DST: variants seen among roughly 807,000 people sequenced by gnomAD.
DST encodes bullous pemphigoid antigen.
A neutral mutation model predicts 875.2 loss-of-function variants in DST; 253 were observed. That is an observed-to-expected ratio of 0.29 (90% CI 0.26 to 0.32). The LOEUF is 0.32. Ranked by LOEUF, DST falls within the 10% of genes least tolerant of loss-of-function variation. DST has a pLI of 1.00. For missense variants in DST, 8,287 were observed against 9,111.6 expected (o/e 0.91, Z 3.68); for synonymous variants, 3,124 against 3,197.1 (o/e 0.98, Z 0.77).
intron 36 of DST, chr6:56,616,850 A>T (rs1364461442): frequency 2.5e-6 from 4 of 1,613,996 alleles, no homozygotes; most frequent in Non-Finnish European, 3.4e-6. Flanking sequence ...AAGAAGCCTA[A>T]TTCTGAATTC....
chr6:56,910,166 TTTTA>T (rs1179113626), intron 2 of DST, among the ~76,000 whole-genome samples: 2 of 152,150 alleles, frequency 1.3e-5, no homozygotes, highest in Non-Finnish European at 2.9e-5. Context: ...GCACATTTCT[TTTTA>T]TTTATTATTT....
At chr6:56,578,685 C>T (rs1394378325) in intron 50 of DST, 129 bp downstream of exon 50, 3 of 929,404 alleles carry the variant, frequency 3.2e-6, no homozygotes, top group Non-Finnish European at 4.7e-6. Flanking sequence ...GATGCAGGAA[C>T]ACCATTTCAC....
rs1378635974 is a variant in DST at position 56,797,823 on chromosome 6, A to AG, written c.625+53573_625+53574insC. ...ACAAGAGCGAAACTCCGTCTCAAAA[A>AG]AAAAAAAAAAAAAAGCTACTCCAGT... On this transcript the variant is annotated intron_variant, in intron 4 of 103. Transcript: ENST00000680361. Among the ~76,000 whole-genome samples the AG allele has an allele frequency of 5.5e-4, 84 of 151,564 alleles. 1 individual carries two copies. Among genetic ancestry groups the AG allele is most frequent in the Non-Finnish European group, 9.7e-4 (66 of 67,772 alleles).
intron 10 of DST, among the ~76,000 whole-genome samples, chr6:56,655,431 T>G (rs148199114): frequency 9.7e-4 from 147 of 152,200 alleles, no homozygotes; most frequent in African/African-American, 3.2e-3. Flanking sequence ...AAAAGACACA[T>G]ATGGGAAATA....
At chr6:56,523,521 A>G (rs2096743469) in intron 69 of DST, among the ~76,000 whole-genome samples, 1 of 152,160 alleles carries the variant, frequency 6.6e-6, no homozygotes, top group South Asian at 2.1e-4. Flanking sequence ...CATGCTGATG[A>G]TTAGAAGTCA....
intron 55 of DST, 140 bp downstream of exon 55, chr6:56,568,329 A>T: frequency 1.2e-6 from 1 of 845,678 alleles, no homozygotes; most frequent in Non-Finnish European, 1.8e-6. Context: ...CAGTGTGCTT[A>T]CAGATGCCAT....
Position 56,477,338 on chromosome 6 carries a change from C to A in DST, c.21675+7G>T, listed in dbSNP as rs34892827. ...GCTACTCTGAAGATTATCTGAGACA[C>A]ACTGACCTCCTCAAACCTCGCCCGG... On this transcript the variant is annotated splice_region_variant and intron_variant, in intron 91 of 103. Coordinates refer to ENST00000680361, the MANE Select transcript of DST (RefSeq NM_001374736.1). 13 of 1,613,322 alleles carry A rather than the reference C, an allele frequency of 8.1e-6. No individual in the cohort carries two copies. Among genetic ancestry groups the A allele is most frequent in the Non-Finnish European group, 1.0e-5 (12 of 1,179,544 alleles).
At chr6:56,497,049 GA>G (rs2095936294) in intron 82 of DST, among the ~76,000 whole-genome samples, 3 of 152,128 alleles carry the variant, frequency 2.0e-5, no homozygotes, top group Admixed American at 2.0e-4. Flanking sequence ...AGCATTAGGA[GA>G]TACACCTAAT....
chr6:56,577,368 G>C (rs2097887824), intron 50 of DST, among the ~76,000 whole-genome samples: 2 of 152,092 alleles, frequency 1.3e-5, no homozygotes, highest in African/African-American at 4.8e-5. Flanking sequence ...GCTGCATTGG[G>C]ACAGAGGAAC....
chr6:56,930,205 C>A (rs545936704), intron 2 of DST, among the ~76,000 whole-genome samples: 1 of 152,184 alleles, frequency 6.6e-6, no homozygotes, highest in Non-Finnish European at 1.5e-5. Context: ...AGGCCTATGC[C>A]GTATCTTGGT....
intron 4 of DST, among the ~76,000 whole-genome samples, chr6:56,775,254 C>G (rs2099676523): frequency 6.6e-6 from 1 of 152,168 alleles, no homozygotes; most frequent in African/African-American, 2.4e-5. Flanking sequence ...ATCCTCTAAA[C>G]AACCCTAACA....
chr6:56,482,622 T>C (rs2095438452), intron 89 of DST, 61 bp downstream of exon 89: 10 of 1,535,204 alleles, frequency 6.5e-6, no homozygotes, highest in Non-Finnish European at 8.9e-6. Context: ...ACTAGAATAG[T>C]TCTTGTTGAG....
intron 50 of DST, among the ~76,000 whole-genome samples, chr6:56,576,892 G>C (rs2097874764): frequency 6.6e-6 from 1 of 152,136 alleles, no homozygotes. Flanking sequence ...ATAAATGTAT[G>C]TTGTTTAAGC....
chr6:56,629,942 A>G (rs897419250), intron 31 of DST, among the ~76,000 whole-genome samples: 1 of 152,180 alleles, frequency 6.6e-6, no homozygotes, highest in African/African-American at 2.4e-5. Flanking sequence ...TCTTAAATTA[A>G]CTTCTTTTTC....
In DST at chr6:56,497,952, G is replaced by A. The variant is rs760186625; in HGVS notation, c.19998C>T (p.Asn6666=). The A allele has an allele frequency of 2.5e-6, 4 of 1,613,318 alleles. No homozygotes were observed. In the Admixed American group the frequency reaches 5.0e-5, roughly 20 times the overall value. Residue 6666 remains asparagine (N), a synonymous_variant, in exon 81 of 104, where the codon AAC becomes AAT. Transcript: ENST00000680361. ...TTAAAACCTCTAGCTTGTTCTGAAG[G>A]TTGCTTGCTTCTTCTCCTGCACTTG... ...IESSAGEEAS[N]LQNKLEVLNQ...
chr6:56,676,960 A>C (rs2099133736), intron 9 of DST, among the ~76,000 whole-genome samples: 1 of 152,192 alleles, frequency 6.6e-6, no homozygotes, highest in Non-Finnish European at 1.5e-5. Context: ...TTTCTCTTAC[A>C]CAACATAGTG....
chr6:56,830,703 T>C (rs138702062), intron 4 of DST, among the ~76,000 whole-genome samples: 176 of 152,336 alleles, frequency 1.2e-3, no homozygotes, highest in African/African-American at 4.1e-3. Context: ...ACAGAACTTT[T>C]CACCAAAGTT....
chr6:56,746,249 G>A (rs1204086511), intron 4 of DST, among the ~76,000 whole-genome samples: 4 of 152,180 alleles, frequency 2.6e-5, no homozygotes, highest in South Asian at 2.1e-4. Flanking sequence ...GCTTCCCAAA[G>A]TGCTGGAATT....
intron 9 of DST, among the ~76,000 whole-genome samples, chr6:56,688,895 G>A (rs1176991930): frequency 2.0e-5 from 3 of 152,082 alleles, no homozygotes; most frequent in African/African-American, 7.2e-5. Context: ...AGAGAGAGGA[G>A]TAATAACACT....
Sources: allele counts gnomAD v4.1 joint callset (sites outside exome capture counted in the v4.1 genomes callset), GRCh38; gene constraint gnomAD v4.1.1; transcripts MANE v1.5; gene names NCBI Gene and HGNC (gene_info 2026-07-23, HGNC 2026-07-21).